LUZP1: variants seen among roughly 807,000 people sequenced by gnomAD.
The protein encoded by LUZP1 is filamin mechanobinding actin cross-linking protein.
LUZP1 carries 25 observed loss-of-function variants against 71.3 expected under a neutral mutation model. That is an observed-to-expected ratio of 0.35 (90% confidence interval 0.26 to 0.49). The LOEUF is 0.49. LUZP1 is among the 20% of genes least tolerant of loss of function. The pLI is 0.99. For synonymous variants in LUZP1, 481 were observed against 506.4 expected, an observed-to-expected ratio of 0.95 and a Z score of 0.67; for missense variants, 1,142 against 1,300.8, an observed-to-expected ratio of 0.88 and a Z score of 1.88.
chr1:23,141,656 T>A (rs1644304012), intron 2 of LUZP1, among the ~76,000 whole-genome samples: 1 of 152,126 alleles, frequency 6.6e-6, no homozygotes, highest in Non-Finnish European at 1.5e-5. Flanking sequence ...GTCCATAACA[T>A]AAAATCATCT....
intron 2 of LUZP1, among the ~76,000 whole-genome samples, chr1:23,110,635 T>TACACACACACACACACACACAC (rs1553137224): frequency 4.8e-5 from 2 of 41,846 alleles, no homozygotes; most frequent in African/African-American, 1.3e-4. Context: ...CGCGCACACA[T>TACACACACACACACACACACAC]ACACACACAC....
At chr1:23,096,257 T>C (rs1233802710) in intron 3 of LUZP1, among the ~76,000 whole-genome samples, 1 of 151,726 alleles carries the variant, frequency 6.6e-6, no homozygotes, top group Non-Finnish European at 1.5e-5. Context: ...AAGGAAGATA[T>C]TAATAGTGGT....
At position 23,084,198 on chromosome 1, in the gene LUZP1, A is replaced by G. The variant is rs192634190; in HGVS notation, c.*4697T>C. On this transcript the variant is annotated 3_prime_UTR_variant, in exon 5 of 5. Coordinates refer to ENST00000302291, the Ensembl canonical transcript of LUZP1. ...TTGCCACAAACTTAGTGGCTCTTAA[A>G]AAAACAGAAATCTATTCGAAAGTTC... 5 of 152,346 alleles carry G rather than the reference A, an allele frequency of 3.3e-5. No homozygotes were observed. In the East Asian group the frequency reaches 9.6e-4, roughly 29 times the overall value. The allele number at this position is 152,346 out of a possible 1,614,324, so 9.4% of individuals were successfully genotyped here.
rs1294759199 is a variant in LUZP1 at position 23,094,332 on chromosome 1, T to G, written c.-71A>C. 2.0e-6 allele frequency: 3 copies of G among 1,508,638 alleles called. No homozygotes were observed. Among genetic ancestry groups the G allele is most frequent in the Non-Finnish European group, 2.6e-6 (3 of 1,132,538 alleles). The allele number at this position is 1,508,638 out of a possible 1,614,324, so 93.5% of individuals were successfully genotyped here. On this transcript the variant is annotated 5_prime_UTR_variant, in exon 4 of 5. Transcript: ENST00000302291. The surrounding 1 kb of genome is among the most constrained non-coding windows in gnomAD (Gnocchi z 4.7). ...TCAAGGGGATGAGAAATGGTTACCT[T>G]TCTCTTGGCAACCACAATCTTCTTT...
chr1:23,173,990 T>G (rs982081014), intron 1 of LUZP1, among the ~76,000 whole-genome samples: 1 of 152,132 alleles, frequency 6.6e-6, no homozygotes, highest in Non-Finnish European at 1.5e-5. Context: ...AGGGAGAATT[T>G]TTTTTTGTCC....
intron 2 of LUZP1, among the ~76,000 whole-genome samples, chr1:23,115,723 T>C (rs1644072437): frequency 6.6e-6 from 1 of 152,020 alleles, no homozygotes; most frequent in African/African-American, 2.4e-5. Context: ...GTATTTTTAG[T>C]AGAGATGGGG....
chr1:23,088,401 GC>G (rs1401056214), exon 5 of LUZP1: 1 of 152,940 alleles, frequency 6.5e-6, no homozygotes, highest in African/African-American at 2.4e-5. Context: ...AGAAATGAAA[GC>G]CCCCTAGATA....
chr1:23,093,497 T>C lies in LUZP1; in HGVS notation c.765A>G (p.Ser255=), dbSNP rs1346531784. The change falls in exon 4 of 5, where the codon TCA becomes TCG. Residue 255 remains serine (S), a synonymous_variant. Transcript: ENST00000302291. This position sits in a 1 kb window ranked among gnomAD's most constrained non-coding sequence, Gnocchi z 4.2. ...GGTAGTCCAGACCACCCTTCCTTCT[T>C]GATTCTTTGGACGGCAGTGTGGAAG... The C allele has an allele frequency of 6.2e-7, 1 of 1,612,546 alleles. No homozygotes were observed. Among genetic ancestry groups the C allele is most frequent in the Non-Finnish European group, 8.5e-7 (1 of 1,179,756 alleles).
chr1:23,133,804 GAGAT>G (rs1178804121), intron 2 of LUZP1: 2 of 144,056 alleles, frequency 1.4e-5, no homozygotes, highest in African/African-American at 5.2e-5. Context: ...AATAAATAAA[GAGAT>G]AGACTGACAT....
Position 23,091,971 on chromosome 1 carries a change from T to A in LUZP1, c.2291A>T (p.Asp764Val). Residue 764 changes from aspartate to valine, a missense_variant, in exon 4 of 5, where the codon GAT becomes GTT. Coordinates refer to ENST00000302291, the Ensembl canonical transcript of LUZP1. ...AGATCCTCCCATGATTTTTTTCACA[T>A]CCTTATCAACAATAACAGGTTTGAT... 3 of 1,614,180 alleles carry A rather than the reference T, an allele frequency of 1.9e-6. No homozygotes were observed. The highest frequency in any genetic ancestry group is 2.5e-6 in the Non-Finnish European group (3 of 1,180,034).
chr1:23,117,499 G>T, intron 2 of LUZP1, among the ~76,000 whole-genome samples: 1 of 40,400 alleles, frequency 2.5e-5, no homozygotes, highest in Admixed American at 2.7e-4. Context: ...CCCACAATCA[G>T]GAAGCCCTGG....
chr1:23,153,587 T>C (rs758395785), intron 2 of LUZP1, among the ~76,000 whole-genome samples: 3 of 152,236 alleles, frequency 2.0e-5, no homozygotes, highest in Non-Finnish European at 4.4e-5. Context: ...CCAAGAATAG[T>C]AAATTTTTCA....
At chr1:23,163,848 C>T (rs897330382) in intron 2 of LUZP1, 1 of 152,158 alleles carries the variant, frequency 6.6e-6, no homozygotes, top group African/African-American at 2.4e-5. Context: ...ATGGTCTGCC[C>T]CTCACTTGCT....
At chr1:23,125,176 G>A (rs945704415) in intron 2 of LUZP1, among the ~76,000 whole-genome samples, 2 of 152,126 alleles carry the variant, frequency 1.3e-5, no homozygotes. Flanking sequence ...CTAGTCCTAC[G>A]CATGAGTCCT....
exon 4 of LUZP1, chr1:23,092,743 T>C: frequency 6.2e-7 from 1 of 1,613,872 alleles, no homozygotes; most frequent in Non-Finnish European, 8.5e-7. Flanking sequence ...GTTCGTGTTG[T>C]CTTCTCCACT....
Position 23,163,237 on chromosome 1 carries a change from C to CAA in LUZP1, c.-226+5527_-226+5528dup, listed in dbSNP as rs36097785. ...CCTGGGTGACAGGGTGAGACTCTCT[C>CAA]AAAAAAAAAAAAAAAAAAAAAGCAT... On this transcript the variant is annotated intron_variant, in intron 2 of 4. Coordinates refer to ENST00000302291, the Ensembl canonical transcript of LUZP1. 7.2e-3 allele frequency among the ~76,000 whole-genome samples: 320 copies of CAA among 44,488 alleles called. 1 individual carries two copies. Among genetic ancestry groups the CAA allele is most frequent in the African/African-American group, 0.018 (203 of 11,512 alleles). 29.2% of individuals were successfully genotyped at this position (44,488 alleles called of 152,430 possible).
chr1:23,135,374 A>C (rs1229195849), intron 2 of LUZP1, among the ~76,000 whole-genome samples: 1 of 152,212 alleles, frequency 6.6e-6, no homozygotes, highest in Non-Finnish European at 1.5e-5. Context: ...TTCCTTAGGA[A>C]TATTCTACAC....
chr1:23,162,021 C>T (rs1291760785), intron 2 of LUZP1, among the ~76,000 whole-genome samples: 1 of 60,644 alleles, frequency 1.6e-5, no homozygotes, highest in Non-Finnish European at 2.5e-5. Flanking sequence ...ACGAGACTGT[C>T]TCAAAAAAAA....
At chr1:23,096,377 T>G (rs1557634425) in intron 3 of LUZP1, among the ~76,000 whole-genome samples, 1 of 152,044 alleles carries the variant, frequency 6.6e-6, no homozygotes, top group Non-Finnish European at 1.5e-5. Flanking sequence ...ACAAGGAAGT[T>G]TTAACAGGCA....
Sources: allele counts gnomAD v4.1 joint callset (sites outside exome capture counted in the v4.1 genomes callset), GRCh38; gene constraint gnomAD v4.1.1; non-coding constraint Gnocchi (gnomAD v3.1); transcripts MANE v1.5; gene names NCBI Gene and HGNC (gene_info 2026-07-23, HGNC 2026-07-21).